PLXNA2: variants seen among roughly 807,000 people sequenced by gnomAD.
PLXNA2 encodes the protein plexin A2, also known as plexin-A2.
In PLXNA2, 91 loss-of-function variants were observed where a neutral mutation model predicts 193.5. The observed-to-expected ratio is 0.47, with a 90% CI of 0.40 to 0.56. PLXNA2 has a LOEUF of 0.56. Ranked by LOEUF, PLXNA2 falls within the 20% of genes least tolerant of loss-of-function variation. The pLI, the probability that PLXNA2 is intolerant of heterozygous loss-of-function variation, is 0.00. For missense variants in PLXNA2, 1,995 were observed against 2,503.2 expected (o/e 0.80, Z 4.33); for synonymous variants, 997 against 1,027.3 (o/e 0.97, Z 0.56).
In PLXNA2 at chr1:208,066,888, A is replaced by G. The variant is rs1665813837; in HGVS notation, c.2587-6051T>C. On this transcript the variant is annotated intron_variant, in intron 12 of 31. Transcript: ENST00000367033. ...TGTGTCTTAGTCTTTAACAAAACAA[A>G]TTTAAAAAGTAAAAAAGTGAATTTC... Among the ~76,000 whole-genome samples the G allele has an allele frequency of 2.0e-5, 3 of 152,242 alleles. 1 individual carries two copies. The South Asian group carries it at 6.2e-4, about 31-fold the overall frequency.
At chr1:208,210,994 C>G (rs1670924607) in intron 2 of PLXNA2, among the ~76,000 whole-genome samples, 1 of 152,338 alleles carries the variant, frequency 6.6e-6, no homozygotes, top group Middle Eastern at 3.4e-3. Flanking sequence ...ACCAGCACGT[C>G]ACTGGAGCCA....
chr1:208,178,710 G>A (rs1669743611), intron 3 of PLXNA2, among the ~76,000 whole-genome samples: 1 of 152,218 alleles, frequency 6.6e-6, no homozygotes, highest in Non-Finnish European at 1.5e-5. Context: ...GAGAAGAAGA[G>A]TTCCAATAAC....
chr1:208,163,783 C>T (rs1669208565), intron 3 of PLXNA2, among the ~76,000 whole-genome samples: 3 of 152,210 alleles, frequency 2.0e-5, no homozygotes, highest in African/African-American at 7.2e-5. Context: ...TTGCTGGTGT[C>T]CTTTCTCCCA....
chr1:208,073,304 A>G (rs1666031806), intron 12 of PLXNA2, among the ~76,000 whole-genome samples: 1 of 152,178 alleles, frequency 6.6e-6, no homozygotes, highest in African/African-American at 2.4e-5. Flanking sequence ...ACAGGACACA[A>G]CTGCAGAGGG....
At chr1:208,086,979 C>CTGTG (rs1553277886) in intron 9 of PLXNA2, among the ~76,000 whole-genome samples, 1 of 65,442 alleles carries the variant, frequency 1.5e-5, no homozygotes, top group Non-Finnish European at 3.0e-5. Context: ...CTCTCTCTCT[C>CTGTG]TGTGTGTGTG....
intron 4 of PLXNA2, among the ~76,000 whole-genome samples, chr1:208,117,824 T>C (rs556993947): frequency 1.3e-5 from 2 of 152,234 alleles, no homozygotes; most frequent in Non-Finnish European, 2.9e-5. Flanking sequence ...CTGGAGACCA[T>C]GCAGCAGGCT....
chr1:208,090,577 A>G (rs1666675329), intron 9 of PLXNA2, among the ~76,000 whole-genome samples: 1 of 152,116 alleles, frequency 6.6e-6, no homozygotes, highest in Non-Finnish European at 1.5e-5. Flanking sequence ...ACACCCCAGC[A>G]GAGTTTATTT....
chr1:208,209,777 G>A (rs1670865701), intron 3 of PLXNA2, among the ~76,000 whole-genome samples: 1 of 152,064 alleles, frequency 6.6e-6, no homozygotes, highest in Admixed American at 6.6e-5. Context: ...TTTTCTTCAG[G>A]CATCATATAC....
rs1004629551 is a variant in PLXNA2 at position 208,024,445 on chromosome 1, A to G, written c.*2798T>C. 1 of 152,232 alleles carries G rather than the reference A, an allele frequency of 6.6e-6. No homozygotes were observed. The allele number at this position is 152,232 out of a possible 1,614,324, so 9.4% of individuals were successfully genotyped here. ...CAGGGCCTTATAACCTTTCACCCTCATGGCGTGGCTTGAGTCCAGCTTTTT... is the reference window on the plus strand; with the variant it reads ...CAGGGCCTTATAACCTTTCACCCTCGTGGCGTGGCTTGAGTCCAGCTTTTT... On this transcript the variant is annotated 3_prime_UTR_variant, in exon 32 of 32. Transcript: ENST00000367033.
chr1:208,038,852 G>C lies in PLXNA2; in HGVS notation c.4633C>G (p.Arg1545Gly), dbSNP rs756497678. Residue 1545 changes from arginine (R) to glycine (G), a missense_variant, in exon 25 of 32, where the codon CGG becomes GGG. By Grantham distance (125) the Arg-to-Gly change is moderately radical. Coordinates refer to ENST00000367033, the MANE Select transcript of PLXNA2 (RefSeq NM_025179.4). The surrounding 1 kb of genome is among the most constrained non-coding windows in gnomAD (Gnocchi z 4.1). ...AAGTCCATGTCCACTGCCCTCGGCC[G>C]CTGGGAATAGGGCACATTCTTATAC... ...AVYKNVPYSQ[R>G]PRAVDMDLEW... 6.2e-7 allele frequency: 1 copy of C among 1,613,842 alleles called. No individual in the cohort carries two copies. Among genetic ancestry groups the C allele is most frequent in the Non-Finnish European group, 8.5e-7 (1 of 1,179,942 alleles).
At chr1:208,123,396 A>G (rs1233252458) in intron 4 of PLXNA2, among the ~76,000 whole-genome samples, 2 of 152,210 alleles carry the variant, frequency 1.3e-5, no homozygotes, top group African/African-American at 2.4e-5. Flanking sequence ...CACACTTAAG[A>G]TATCAGGCAG....
intron 8 of PLXNA2, 140 bp downstream of exon 8, chr1:208,095,889 A>C: frequency 1.4e-6 from 1 of 707,428 alleles, no homozygotes; most frequent in Admixed American, 2.2e-5. Context: ...TACTCTGTCC[A>C]AACAAAGTGT....
At position 208,185,176 on chromosome 1, in the gene PLXNA2, G is replaced by A. The variant is rs571838771; in HGVS notation, c.1371+25104C>T. Among the ~76,000 whole-genome samples the A allele has an allele frequency of 9.2e-5, 14 of 152,238 alleles. No homozygotes were observed. In the East Asian group the frequency reaches 1.7e-3, roughly 19 times the overall value. ...TAGGCTGCAGGGATTTGACTGAACCGTTCAAAGGAAAACTCCTGGCTTGGC... is the reference window on the plus strand; with the variant it reads ...TAGGCTGCAGGGATTTGACTGAACCATTCAAAGGAAAACTCCTGGCTTGGC... On this transcript the variant is annotated intron_variant, in intron 3 of 31. Transcript: ENST00000367033.
chr1:208,168,724 GTTTTTTTTTTTTTTTT>G (rs10668701), intron 3 of PLXNA2, among the ~76,000 whole-genome samples: 2 of 73,156 alleles, frequency 2.7e-5, no homozygotes, highest in Admixed American at 3.7e-4. Context: ...AGTATGCGGG[GTTTTTTTTTTTTTTTT>G]TTTTTTTTTT....
In PLXNA2 at chr1:208,038,708, A is replaced by C; in HGVS notation, c.4660+117T>G. On this transcript the variant is annotated intron_variant, in intron 25 of 31. Transcript: ENST00000367033. This position sits in a 1 kb window ranked among gnomAD's most constrained non-coding sequence, Gnocchi z 4.1. ...CAGCGCTCAAAGCGGGAAGCATTTC[A>C]CACGGGCCTCAGCTGGCCAGGACAC... The C allele has an allele frequency of 8.8e-7, 1 of 1,136,162 alleles. No individual in the cohort carries two copies. Among genetic ancestry groups the C allele is most frequent in the Non-Finnish European group, 1.3e-6 (1 of 773,696 alleles). The allele number at this position is 1,136,162 out of a possible 1,614,324, so 70.4% of individuals were successfully genotyped here.
rs1667692852 is a variant in PLXNA2, at chr1:208,118,041, G to A, written c.1507-14794C>T. ...TGATAAACATCTTGAAGAGACAGTA[G>A]GAGACAGCAGAAAGCTGCCTTGTGA... On this transcript the variant is annotated intron_variant, in intron 4 of 31. Transcript: ENST00000367033. 2.0e-5 allele frequency among the ~76,000 whole-genome samples: 3 copies of A among 152,332 alleles called. No homozygotes were observed. In the South Asian group the frequency reaches 6.2e-4, roughly 32 times the overall value.
chr1:208,045,900 G>A lies in PLXNA2; in HGVS notation c.3473C>T (p.Pro1158Leu). 6.2e-7 allele frequency: 1 copy of A among 1,614,276 alleles called. No individual in the cohort carries two copies. Among genetic ancestry groups the A allele is most frequent in the Non-Finnish European group, 8.5e-7 (1 of 1,180,054 alleles). The change falls in exon 18 of 32, where the codon CCA becomes CTA. Residue 1158 changes from proline (P) to leucine (L), a missense_variant. Transcript: ENST00000367033. ...TACCTTCAGAATGATGGGCGATCCT[G>A]GCTTTTGATCCAAGACTCCAGTAGG... is the stretch of plus-strand genomic sequence containing the variant. ...LSPTGVLDQK[P>L]GSPIILKGKN...
chr1:208,114,350 G>A (rs901574454), intron 4 of PLXNA2, among the ~76,000 whole-genome samples: 4 of 152,128 alleles, frequency 2.6e-5, no homozygotes, highest in African/African-American at 4.8e-5. Context: ...TTCCCAGGTC[G>A]TCTTTACATA....
intron 4 of PLXNA2, among the ~76,000 whole-genome samples, chr1:208,112,712 A>G (rs1667520050): frequency 6.6e-6 from 1 of 152,158 alleles, no homozygotes. Flanking sequence ...GCCCTTTTGC[A>G]TGAAGAGCCA....
Sources: gnomAD v4.1 joint callset for allele counts (sites outside exome capture counted in the v4.1 genomes callset) on GRCh38, gnomAD v4.1.1 for gene constraint, Gnocchi (gnomAD v3.1) non-coding constraint, MANE v1.5 for transcripts, NCBI Gene and HGNC (gene_info 2026-07-23, HGNC 2026-07-21) for gene names.